Variants in STON2 observed in about 807,000 individuals in gnomAD.
STON2 encodes the protein stonin 2.
STON2 carries 29 observed loss-of-function variants against 65.7 expected under a neutral mutation model. The ratio of observed to expected loss-of-function variants is 0.44; its 90% CI spans 0.33 to 0.60. The LOEUF (loss-of-function observed/expected upper bound fraction) is 0.60, where lower values mean the gene tolerates loss of function less well. Ranked by LOEUF, STON2 falls within the 20% of genes least tolerant of loss-of-function variation. STON2 has a pLI of 0.03. For missense variants in STON2, 1,054 were observed against 1,118.1 expected, an observed-to-expected ratio of 0.94 and a Z score of 0.82; for synonymous variants, 404 against 414.2, an observed-to-expected ratio of 0.98 and a Z score of 0.30.
chr14:81,406,939 G>C (rs145969234), intron 2 of STON2, among the ~76,000 whole-genome samples: 12 of 152,272 alleles, frequency 7.9e-5, no homozygotes, highest in Middle Eastern at 3.4e-3. Flanking sequence ...GCAGATTCCA[G>C]CTGCTTCAAT....
chr14:81,423,903 C>T (rs930918007), intron 2 of STON2, among the ~76,000 whole-genome samples: 4 of 152,116 alleles, frequency 2.6e-5, no homozygotes, highest in African/African-American at 9.7e-5. Context: ...TGGCACAGTG[C>T]GAGAGTCGAT....
chr14:81,426,976 G>A (rs78642517), intron 2 of STON2: 34 of 152,200 alleles, frequency 2.2e-4, no homozygotes, highest in African/African-American at 7.9e-4. Flanking sequence ...TCATCTCTCA[G>A]ACATTGATGT....
rs749072295 is a variant in STON2, at chr14:81,395,980, G to A, written c.287C>T (p.Ala96Val). 1 of 1,614,170 alleles carries A rather than the reference G, an allele frequency of 6.2e-7. No individual in the cohort carries two copies. The highest frequency in any genetic ancestry group is 1.1e-5 in the South Asian group (1 of 91,086). ...CTGAACCCAGTTGCTGATGGCCGAG[G>A]CCAGGTCAGGTGGGGGCTGCTCAGG... The part of the protein sequence containing the change: ...GSPEQPPPDL[A>V]SAISNWVQFE... The change falls in exon 3 of 8, where the codon GCC becomes GTC. Residue 96 changes from alanine (A) to valine (V), a missense_variant. Coordinates refer to ENST00000614646, the MANE Select transcript of STON2 (RefSeq NM_001394390.1).
intron 5 of STON2, among the ~76,000 whole-genome samples, chr14:81,288,828 G>A (rs1490502709): frequency 6.6e-6 from 1 of 150,864 alleles, no homozygotes. Context: ...AAAGGGTGGG[G>A]GGGTCTCCAT....
rs1279488321 is a variant in STON2, at chr14:81,264,662, A to T, written c.*3752T>A. The stretch of plus-strand genomic sequence containing the variant: ...AAATCAGTCTCATTTCAAATAAAAA[A>T]TATTTTAAATCAAACAATGTTCTCA... On this transcript the variant is annotated 3_prime_UTR_variant, in exon 8 of 8. Transcript: ENST00000614646. 1 of 984,986 alleles carries T rather than the reference A, an allele frequency of 1.0e-6. No homozygotes were observed. Among genetic ancestry groups the T allele is most frequent in the Admixed American group, 6.1e-5 (1 of 16,268 alleles). The allele number at this position is 984,986 out of a possible 1,614,324, so 61.0% of individuals were successfully genotyped here. A position where few individuals can be genotyped will look rare whatever the true frequency, so the allele number is the denominator to read the frequency against.
In STON2 at chr14:81,395,771, A is replaced by T. The variant is rs1900282619; in HGVS notation, c.373+123T>A. 3.1e-6 allele frequency: 3 copies of T among 973,754 alleles called. No individual in the cohort carries two copies. The African/African-American group carries it at 4.9e-5, about 16-fold the overall frequency. 60.3% of individuals were successfully genotyped at this position (973,754 alleles called of 1,614,324 possible). ...ATGAGAACTCCGTCTGCTCTCCCCT[A>T]TGCGACCAGTGCTTCAGGGTTAGGG... On this transcript the variant is annotated intron_variant, in intron 3 of 7. Transcript: ENST00000614646.
chr14:81,287,314 A>G (rs747840398), intron 5 of STON2, among the ~76,000 whole-genome samples: 1 of 152,192 alleles, frequency 6.6e-6, no homozygotes, highest in African/African-American at 2.4e-5. Context: ...ACGCCAGAGG[A>G]TAAGTGTATT....
At chr14:81,283,710 T>C (rs986641897) in intron 5 of STON2, among the ~76,000 whole-genome samples, 1 of 152,106 alleles carries the variant, frequency 6.6e-6, no homozygotes, top group Non-Finnish European at 1.5e-5. Context: ...TTTGTATTTT[T>C]AGTAGAGACG....
At chr14:81,311,268 A>C (rs1253556330) in intron 5 of STON2, among the ~76,000 whole-genome samples, 1 of 152,076 alleles carries the variant, frequency 6.6e-6, no homozygotes, top group Admixed American at 6.6e-5. Flanking sequence ...GGTCTCTATC[A>C]CCCTCATTCC....
chr14:81,296,932 G>A (rs1895784439), intron 5 of STON2, among the ~76,000 whole-genome samples: 1 of 152,042 alleles, frequency 6.6e-6, no homozygotes, highest in Non-Finnish European at 1.5e-5. Flanking sequence ...GAGGAAATAA[G>A]CACATACCAT....
At chr14:81,287,673 C>T (rs918816316) in intron 5 of STON2, among the ~76,000 whole-genome samples, 2 of 152,156 alleles carry the variant, frequency 1.3e-5, no homozygotes, top group African/African-American at 4.8e-5. Context: ...CCAGTTTATT[C>T]CATGTTGGTG....
At chr14:81,376,533 A>G (rs911330151) in intron 3 of STON2, among the ~76,000 whole-genome samples, 7 of 152,146 alleles carry the variant, frequency 4.6e-5, no homozygotes, top group African/African-American at 1.7e-4. Context: ...GAAAAGTTCT[A>G]TCAAACGTTA....
At chr14:81,351,026 G>A (rs747997792) in intron 4 of STON2, among the ~76,000 whole-genome samples, 7 of 152,044 alleles carry the variant, frequency 4.6e-5, no homozygotes, top group Non-Finnish European at 1.0e-4. Flanking sequence ...ATCTTTCATA[G>A]GTGAATTTGA....
At chr14:81,323,414 T>A (rs1244765709) in intron 5 of STON2, 1 of 150,380 alleles carries the variant, frequency 6.6e-6, no homozygotes, top group Admixed American at 6.6e-5. Flanking sequence ...CCACACAAAT[T>A]CCACATTGAA....
chr14:81,272,108 G>A (rs1352954618), intron 6 of STON2, among the ~76,000 whole-genome samples: 1 of 152,174 alleles, frequency 6.6e-6, no homozygotes, highest in Admixed American at 6.5e-5. Context: ...TGTAGTCCCA[G>A]CTACTCGGGA....
At position 81,264,703 on chromosome 14, in the gene STON2, G is replaced by C. The variant is rs986107658; in HGVS notation, c.*3711C>G. On this transcript the variant is annotated 3_prime_UTR_variant, in exon 8 of 8. Coordinates refer to ENST00000614646, the MANE Select transcript of STON2 (RefSeq NM_001394390.1). ...AATGTTCTCAAGGATTATGAACCCT[G>C]CCAATAATGCAGGAAGGCACAGTAA... The C allele has an allele frequency of 3.0e-6, 3 of 985,244 alleles. No individual in the cohort carries two copies. In the African/African-American group the frequency reaches 5.2e-5, roughly 17 times the overall value. 61.0% of individuals were successfully genotyped at this position (985,244 alleles called of 1,614,324 possible).
intron 3 of STON2, among the ~76,000 whole-genome samples, chr14:81,384,913 T>C (rs879261287): frequency 2.0e-5 from 3 of 152,218 alleles, no homozygotes; most frequent in Non-Finnish European, 4.4e-5. Flanking sequence ...TCCATTCTTT[T>C]ATCTGTGGCT....
intron 4 of STON2, among the ~76,000 whole-genome samples, chr14:81,338,169 C>T (rs1006183533): frequency 2.6e-5 from 4 of 152,068 alleles, no homozygotes; most frequent in South Asian, 2.1e-4. Context: ...CAACTCTTGG[C>T]GGACTTCTGA....
At position 81,431,406 on chromosome 14, in the gene STON2, A is replaced by C. The variant is rs561654846; in HGVS notation, c.-309-4194T>G. Among the ~76,000 whole-genome samples, 39 of 152,264 alleles carry C rather than the reference A, an allele frequency of 2.6e-4. 1 individual carries two copies. In the South Asian group the frequency reaches 8.1e-3, roughly 32 times the overall value. ...TAATCCTAGCACTTTGAGAGGCTGAAGCAGGCGGATCACTTGCGGTCAGGA... is the reference window on the plus strand; with the variant it reads ...TAATCCTAGCACTTTGAGAGGCTGACGCAGGCGGATCACTTGCGGTCAGGA... On this transcript the variant is annotated intron_variant, in intron 1 of 8. Coordinates refer to the STON2 transcript ENST00000553821.
Sources: gnomAD v4.1 joint callset for allele counts (sites outside exome capture counted in the v4.1 genomes callset) on GRCh38, gnomAD v4.1.1 for gene constraint, MANE v1.5 for transcripts, NCBI Gene and HGNC (gene_info 2026-07-23, HGNC 2026-07-21) for gene names.